Variants in STAC observed in about 807,000 individuals in gnomAD.
STAC encodes SH3 and cysteine rich domain, also known as SH3 and cysteine-rich domain-containing protein.
In STAC, 43 loss-of-function variants were observed where a neutral mutation model predicts 48.8. That is an observed-to-expected ratio of 0.88 (90% CI 0.69 to 1.14). STAC has a LOEUF of 1.14. STAC is among the 50% of genes most tolerant of loss of function. The pLI is 0.00. For synonymous variants in STAC, 193 were observed against 179.5 expected, an observed-to-expected ratio of 1.07 and a Z score of -0.60; for missense variants, 497 against 504.0, an observed-to-expected ratio of 0.99 and a Z score of 0.13.
chr3:36,390,352 G>A (rs552097950), intron 1 of STAC, among the ~76,000 whole-genome samples: 59 of 151,574 alleles, frequency 3.9e-4, no homozygotes, highest in African/African-American at 1.3e-3. Flanking sequence ...AAGATAGGTC[G>A]TGTTCCTAGC....
chr3:36,409,478 T>TTA (rs1700147829), intron 1 of STAC: 1 of 152,238 alleles, frequency 6.6e-6, no homozygotes. Flanking sequence ...GTTGTTTTAT[T>TTA]TTTGCCATAA....
intron 7 of STAC, 120 bp from the exon 8 acceptor site, chr3:36,505,626 A>G: frequency 1.5e-6 from 1 of 648,102 alleles, no homozygotes; most frequent in Non-Finnish European, 2.6e-6. Flanking sequence ...GTTAGATAAC[A>G]CTTACGATCC....
At chr3:36,473,713 A>C (rs1370648373) in intron 2 of STAC, among the ~76,000 whole-genome samples, 1 of 152,210 alleles carries the variant, frequency 6.6e-6, no homozygotes, top group African/African-American at 2.4e-5. Context: ...ATGAACACCC[A>C]AATATAATAT....
intron 1 of STAC, among the ~76,000 whole-genome samples, chr3:36,412,127 A>T (rs1700208526): frequency 6.6e-6 from 1 of 152,172 alleles, no homozygotes; most frequent in Admixed American, 6.5e-5. Context: ...TGGCTGTCTT[A>T]GTTCAACTAC....
At chr3:36,508,977 T>A (rs1698471044) in intron 8 of STAC, among the ~76,000 whole-genome samples, 1 of 152,170 alleles carries the variant, frequency 6.6e-6, no homozygotes, top group African/African-American at 2.4e-5. Flanking sequence ...AGCTGGTTAT[T>A]TTGCTTGTTA....
chr3:36,429,414 G>A (rs1236397446), intron 1 of STAC, among the ~76,000 whole-genome samples: 2 of 152,192 alleles, frequency 1.3e-5, no homozygotes, highest in Non-Finnish European at 2.9e-5. Flanking sequence ...GACTGCCGAT[G>A]TGTTTCTGCA....
At chr3:36,391,254 T>C (rs1268152332) in intron 1 of STAC, among the ~76,000 whole-genome samples, 1 of 152,216 alleles carries the variant, frequency 6.6e-6, no homozygotes, top group Non-Finnish European at 1.5e-5. Flanking sequence ...GCTATAGAAG[T>C]TGCTCTTTGA....
chr3:36,437,772 T>TACA (rs1234589997), intron 1 of STAC, among the ~76,000 whole-genome samples: 3 of 150,506 alleles, frequency 2.0e-5, no homozygotes, highest in African/African-American at 7.3e-5. Flanking sequence ...AAACTTAAGG[T>TACA]ATAATAATAA....
intron 2 of STAC, among the ~76,000 whole-genome samples, chr3:36,465,677 G>A (rs1272634134): frequency 3.3e-5 from 5 of 152,048 alleles, no homozygotes; most frequent in Non-Finnish European, 7.4e-5. Context: ...CCCACAACAG[G>A]CTGTCTGCAA....
intron 1 of STAC, among the ~76,000 whole-genome samples, chr3:36,395,360 C>G (rs985009339): frequency 3.3e-5 from 5 of 152,058 alleles, no homozygotes; most frequent in African/African-American, 1.2e-4. Flanking sequence ...GGTGAGTAGT[C>G]CAGTCTTTAA....
intron 1 of STAC, among the ~76,000 whole-genome samples, chr3:36,397,738 C>A (rs1323807148): frequency 1.3e-5 from 2 of 152,100 alleles, no homozygotes; most frequent in African/African-American, 4.8e-5. Context: ...AACTTCAATC[C>A]ACTTTGGATC....
At chr3:36,515,973 TCC>T (rs1446572416) in intron 8 of STAC, among the ~76,000 whole-genome samples, 1 of 126,702 alleles carries the variant, frequency 7.9e-6, no homozygotes, top group African/African-American at 2.9e-5. Context: ...TTCATTTTTC[TCC>T]TTTTTTTTTT....
At chr3:36,525,114 C>T (rs1575261726) in intron 8 of STAC, among the ~76,000 whole-genome samples, 1 of 152,206 alleles carries the variant, frequency 6.6e-6, no homozygotes, top group Non-Finnish European at 1.5e-5. Flanking sequence ...TCTCACTATA[C>T]TATTAGCTCT....
intron 6 of STAC, among the ~76,000 whole-genome samples, chr3:36,501,561 A>G (rs1698284336): frequency 6.6e-6 from 1 of 152,174 alleles, no homozygotes; most frequent in Non-Finnish European, 1.5e-5. Context: ...AGATATAAAG[A>G]TAGATATCAA....
In STAC at chr3:36,380,515, C is replaced by T. The variant is rs1194332886; in HGVS notation, c.-129C>T. 9 of 665,758 alleles carry T rather than the reference C, an allele frequency of 1.4e-5. No individual in the cohort carries two copies. The highest frequency in any genetic ancestry group is 2.3e-5 in the Non-Finnish European group (9 of 386,350). The allele number at this position is 665,758 out of a possible 1,614,324, so 41.2% of individuals were successfully genotyped here. On this transcript the variant is annotated 5_prime_UTR_variant, in exon 1 of 11. Transcript: ENST00000273183. ...GGAGCGAGGCTGGAGGAGGGCACGT[C>T]GGCGCCTCGGCGAGGATGGGAGTCC... is the stretch of plus-strand genomic sequence containing the variant.
At chr3:36,473,066 T>A in intron 2 of STAC, among the ~76,000 whole-genome samples, 1 of 152,156 alleles carries the variant, frequency 6.6e-6, no homozygotes, top group East Asian at 1.9e-4. Context: ...AGCCTCAGAA[T>A]CATGGCGGGA....
At chr3:36,457,249 T>C (rs538599796) in intron 2 of STAC, among the ~76,000 whole-genome samples, 151 of 152,312 alleles carry the variant, frequency 9.9e-4, no homozygotes, top group African/African-American at 3.6e-3. Context: ...GGCAGGATCA[T>C]GCCAAGGAGT....
intron 2 of STAC, among the ~76,000 whole-genome samples, chr3:36,473,534 C>G (rs1465942747): frequency 1.3e-5 from 2 of 152,172 alleles, no homozygotes; most frequent in Non-Finnish European, 2.9e-5. Context: ...CTCATGACAG[C>G]CTTTCTCAGA....
chr3:36,455,342 G>A (rs1396891284), intron 2 of STAC, among the ~76,000 whole-genome samples: 1 of 152,208 alleles, frequency 6.6e-6, no homozygotes, highest in Non-Finnish European at 1.5e-5. Context: ...AGTAGACACA[G>A]CAATGAATCC....
Sources: gnomAD v4.1 joint callset for allele counts (sites outside exome capture counted in the v4.1 genomes callset) on GRCh38, gnomAD v4.1.1 for gene constraint, MANE v1.5 for transcripts, NCBI Gene and HGNC (gene_info 2026-07-23, HGNC 2026-07-21) for gene names.